Variants in TACC2 observed in about 807,000 individuals in gnomAD.
The protein encoded by TACC2 is transforming acidic coiled-coil-containing protein 2.
Under a neutral mutation model 227.3 loss-of-function variants are expected in TACC2, and 137 were observed. The ratio of observed to expected loss-of-function variants is 0.60; its 90% CI spans 0.52 to 0.69. TACC2 has a LOEUF of 0.69. Among genes scored for constraint, TACC2 ranks in the 30% least tolerant of loss-of-function variants. TACC2 has a pLI of 0.00. For missense variants in TACC2, 3,470 were observed against 3,694.4 expected, an observed-to-expected ratio of 0.94 and a Z score of 1.57; for synonymous variants, 1,523 against 1,487.5, an observed-to-expected ratio of 1.02 and a Z score of -0.55.
intron 5 of TACC2, among the ~76,000 whole-genome samples, chr10:122,131,978 C>T (rs1178988908): frequency 4.6e-5 from 7 of 151,192 alleles, no homozygotes; most frequent in Non-Finnish European, 8.8e-5. Context: ...GCCGAGATCA[C>T]GTCATTGCAC....
chr10:122,019,142 G>A (rs992652520), intron 1 of TACC2, among the ~76,000 whole-genome samples: 3 of 152,192 alleles, frequency 2.0e-5, no homozygotes, highest in African/African-American at 4.8e-5. Flanking sequence ...CTGCCCCACC[G>A]GAGGTCCACA....
chr10:121,993,038 A>G (rs923007080), intron 1 of TACC2, among the ~76,000 whole-genome samples: 1 of 151,998 alleles, frequency 6.6e-6, no homozygotes, highest in Non-Finnish European at 1.5e-5. Flanking sequence ...CTCTCTGGGA[A>G]GCTAGGCATG....
Position 122,213,351 on chromosome 10 carries a change from A to C in TACC2, c.7283+1643A>C. 3 of 1,612,054 alleles carry C rather than the reference A, an allele frequency of 1.9e-6. No homozygotes were observed. In the South Asian group the frequency reaches 3.3e-5, roughly 18 times the overall value. ...TGTCTTCTTGTCTTAGGATGGTTGAAGATGTGATGTCTGTGTGTTCTCTGT... is the reference window on the plus strand; with the variant it reads ...TGTCTTCTTGTCTTAGGATGGTTGACGATGTGATGTCTGTGTGTTCTCTGT... On this transcript the variant is annotated intron_variant, in intron 9 of 22. Transcript: ENST00000369005.
intron 6 of TACC2, among the ~76,000 whole-genome samples, chr10:122,137,854 G>A (rs2089957994): frequency 6.6e-6 from 1 of 152,144 alleles, no homozygotes; most frequent in South Asian, 2.1e-4. Flanking sequence ...GAACAGGTTT[G>A]AGCAGCTCAT....
rs564419454 is a variant in TACC2, at chr10:122,096,412, A to G, written c.5573+7821A>G. On this transcript the variant is annotated intron_variant, in intron 5 of 22. Transcript: ENST00000369005. The stretch of plus-strand genomic sequence containing the variant: ...GGCCACACCTACAAGAGTGCCCCTT[A>G]CCGGCCAGGCGCGGTGGCTCACGCC... Among the ~76,000 whole-genome samples, 13 of 152,264 alleles carry G rather than the reference A, an allele frequency of 8.5e-5. No homozygotes were observed. The East Asian group carries it at 2.1e-3, about 25-fold the overall frequency.
chr10:122,008,326 C>A (rs1306848299), intron 1 of TACC2, among the ~76,000 whole-genome samples: 1 of 148,932 alleles, frequency 6.7e-6, no homozygotes, highest in Non-Finnish European at 1.5e-5. Context: ...GTGGTGCGAT[C>A]TTGGCTCACT....
At chr10:122,041,988 C>T (rs1444148019) in intron 2 of TACC2, among the ~76,000 whole-genome samples, 1 of 152,216 alleles carries the variant, frequency 6.6e-6, no homozygotes, top group Non-Finnish European at 1.5e-5. Context: ...CTCTGTCACC[C>T]AGGCTGGAGT....
At chr10:122,178,255 T>TTTA (rs2093816910) in intron 7 of TACC2, among the ~76,000 whole-genome samples, 1 of 142,548 alleles carries the variant, frequency 7.0e-6, no homozygotes, top group Admixed American at 7.0e-5. Flanking sequence ...TTTTTTTTTT[T>TTTA]GAGACAGTCT....
At chr10:122,132,505 C>G in intron 5 of TACC2, 104 bp from the exon 6 acceptor site, 1 of 1,374,534 alleles carries the variant, frequency 7.3e-7, no homozygotes, top group Non-Finnish European at 1.0e-6. Flanking sequence ...GCGGAGATCG[C>G]GCCATTGCCC....
intron 2 of TACC2, among the ~76,000 whole-genome samples, chr10:122,043,009 T>C (rs953522495): frequency 6.6e-6 from 1 of 152,226 alleles, no homozygotes; most frequent in Non-Finnish European, 1.5e-5. Flanking sequence ...AGTTGTTGTT[T>C]ACAAGGCATT....
chr10:122,137,305 G>GGGTA (rs1472038088), intron 6 of TACC2, among the ~76,000 whole-genome samples: 1 of 151,368 alleles, frequency 6.6e-6, no homozygotes, highest in Non-Finnish European at 1.5e-5. Flanking sequence ...AAAGCAGAAT[G>GGGTA]AGCCTGGGTA....
At chr10:122,098,194 A>C (rs1029081082) in intron 5 of TACC2, among the ~76,000 whole-genome samples, 1 of 152,050 alleles carries the variant, frequency 6.6e-6, no homozygotes, top group African/African-American at 2.4e-5. Flanking sequence ...GGACATCATG[A>C]TCCTAGGTTG....
chr10:122,242,596 A>G (rs1334654861), intron 19 of TACC2, among the ~76,000 whole-genome samples: 1 of 152,116 alleles, frequency 6.6e-6, no homozygotes, highest in Admixed American at 6.5e-5. Context: ...GGCTCACAAT[A>G]AAAGAAGGCC....
In TACC2 at chr10:122,083,325, C is replaced by T. The variant is rs2079752059; in HGVS notation, c.825C>T (p.Ala275=). Residue 275 remains alanine (A), a synonymous_variant, in exon 4 of 23, where the codon GCC becomes GCT. Transcript: ENST00000369005. ...AGAAGTCCCCCCTAAAACCCATGGC[C>T]CCGATCCCACAAGATCCAGCCCCAA... ...VLEKSPLKPM[A]PIPQDPAPRA... 1 of 1,613,856 alleles carries T rather than the reference C, an allele frequency of 6.2e-7. No homozygotes were observed. The highest frequency in any genetic ancestry group is 1.7e-5 in the Admixed American group (1 of 59,994).
intron 7 of TACC2, among the ~76,000 whole-genome samples, chr10:122,168,634 G>A (rs558019413): frequency 1.3e-5 from 2 of 152,222 alleles, no homozygotes; most frequent in South Asian, 4.2e-4. Context: ...TAGGGCCCTG[G>A]GACAGGGTAC....
chr10:122,079,761 G>A (rs1318766140), intron 3 of TACC2, among the ~76,000 whole-genome samples: 1 of 152,252 alleles, frequency 6.6e-6, no homozygotes. Context: ...AGATGTCCAT[G>A]TTGAGATCCA....
chr10:122,245,782 A>G (rs1373769564), intron 19 of TACC2, among the ~76,000 whole-genome samples: 3 of 152,134 alleles, frequency 2.0e-5, no homozygotes, highest in Non-Finnish European at 4.4e-5. Flanking sequence ...GGGGCTTTAT[A>G]TACATTTTCT....
At chr10:122,148,191 C>T (rs531660904) in intron 7 of TACC2, among the ~76,000 whole-genome samples, 1 of 151,686 alleles carries the variant, frequency 6.6e-6, no homozygotes, top group Admixed American at 6.6e-5. Context: ...GCAACTTCCG[C>T]CTCCCGGGTT....
intron 8 of TACC2, among the ~76,000 whole-genome samples, chr10:122,207,367 C>T (rs2095150581): frequency 6.6e-6 from 1 of 152,144 alleles, no homozygotes. Flanking sequence ...GCCCTTCTAG[C>T]CCTGTGAGGG....
Sources: gnomAD v4.1 joint callset for allele counts (sites outside exome capture counted in the v4.1 genomes callset) on GRCh38, gnomAD v4.1.1 for gene constraint, MANE v1.5 for transcripts, NCBI Gene and HGNC (gene_info 2026-07-23, HGNC 2026-07-21) for gene names.